Variants in ELAVL2 observed in about 807,000 individuals in gnomAD.
The protein encoded by ELAVL2 is ELAV like RNA binding protein 2.
A neutral mutation model predicts 34.6 loss-of-function variants in ELAVL2; 4 were observed. The ratio of observed to expected loss-of-function variants is 0.12; its 90% CI spans 0.06 to 0.26. The LOEUF is 0.26. Ranked by LOEUF, ELAVL2 falls within the 10% of genes least tolerant of loss-of-function variation. The probability of loss-of-function intolerance (pLI) is 1.00; values close to 1 mark genes in which losing one functional copy is unlikely to be tolerated. For synonymous variants in ELAVL2, 193 were observed against 154.8 expected (o/e 1.25, Z -1.83); for missense variants, 432 against 442.8 (o/e 0.98, Z 0.22).
intron 1 of ELAVL2, among the ~76,000 whole-genome samples, chr9:23,784,642 G>GA (rs1473823541): frequency 1.3e-5 from 2 of 152,182 alleles, no homozygotes; most frequent in African/African-American, 4.8e-5. Flanking sequence ...CAGAGATCTT[G>GA]AAACCCATCT....
chr9:23,699,864 CT>C lies in ELAVL2; in HGVS notation c.713+1514del, dbSNP rs1221244820. On this transcript the variant is annotated intron_variant, in intron 5 of 6. Coordinates refer to ENST00000397312, the MANE Select transcript of ELAVL2 (RefSeq NM_004432.5). Reference sequence around the variant, plus strand: ...TTTTTTTTTTTTTTAATACCAATGCCTTTTCCTCACAGCAGAGCATGAAGTA... The same window carrying C: ...TTTTTTTTTTTTTTAATACCAATGCCTTTCCTCACAGCAGAGCATGAAGTA... Among the ~76,000 whole-genome samples, 104 of 112,770 alleles carry C rather than the reference CT, an allele frequency of 9.2e-4. No individual in the cohort carries two copies. In the Middle Eastern group the frequency reaches 0.022, roughly 24 times the overall value. The allele number at this position is 112,770 out of a possible 152,430, so 74.0% of individuals were successfully genotyped here. A position where few individuals can be genotyped will look rare whatever the true frequency, so the allele number is the denominator to read the frequency against.
At chr9:23,806,751 C>G (rs891139411) in intron 1 of ELAVL2, among the ~76,000 whole-genome samples, 3 of 152,084 alleles carry the variant, frequency 2.0e-5, no homozygotes, top group Non-Finnish European at 2.9e-5. Flanking sequence ...AAAATTTAAA[C>G]CAATATAAAA....
At chr9:23,693,217 C>T (rs572402586) in intron 6 of ELAVL2, among the ~76,000 whole-genome samples, 1 of 152,274 alleles carries the variant, frequency 6.6e-6, no homozygotes, top group Admixed American at 6.5e-5. Context: ...CATGCTGTAA[C>T]GTCGTAACGC....
chr9:23,810,400 TTAAAAAAAATTA>T (rs1421762599), intron 1 of ELAVL2, among the ~76,000 whole-genome samples: 1 of 151,924 alleles, frequency 6.6e-6, no homozygotes, highest in Non-Finnish European at 1.5e-5. Flanking sequence ...CAGTGAAGCT[TTAAAAAAAATTA>T]TAAAAATAAA....
chr9:23,724,825 T>A (rs2044660698), intron 3 of ELAVL2, among the ~76,000 whole-genome samples: 1 of 152,102 alleles, frequency 6.6e-6, no homozygotes, highest in South Asian at 2.1e-4. Context: ...AGAGGAACAA[T>A]TTACTCAACG....
chr9:23,788,230 G>C (rs1176986190), intron 1 of ELAVL2, among the ~76,000 whole-genome samples: 1 of 152,160 alleles, frequency 6.6e-6, no homozygotes, highest in Non-Finnish European at 1.5e-5. Flanking sequence ...AATAAACAGA[G>C]CTTGCTGAGC....
In ELAVL2 at chr9:23,692,463, G is replaced by T; in HGVS notation, c.*94C>A. 2 of 1,319,986 alleles carry T rather than the reference G, an allele frequency of 1.5e-6. No homozygotes were observed. The highest frequency in any genetic ancestry group is 2.5e-5 in the East Asian group (1 of 39,968). The allele number at this position is 1,319,986 out of a possible 1,614,324, so 81.8% of individuals were successfully genotyped here. A position where few individuals can be genotyped will look rare whatever the true frequency, so the allele number is the denominator to read the frequency against. ...GTCATTTTATCCCCATCTCAACACT[G>T]ACTTACAAAGACATTTACTAATGTA... On this transcript the variant is annotated 3_prime_UTR_variant, in exon 7 of 7. Coordinates refer to ENST00000397312, the MANE Select transcript of ELAVL2 (RefSeq NM_004432.5).
At chr9:23,808,141 T>C (rs2062487426) in intron 1 of ELAVL2, among the ~76,000 whole-genome samples, 1 of 152,144 alleles carries the variant, frequency 6.6e-6, no homozygotes, top group Non-Finnish European at 1.5e-5. Flanking sequence ...AATTAAAAAC[T>C]AGTCTGTTTT....
chr9:23,738,300 A>G (rs3829090), intron 2 of ELAVL2, among the ~76,000 whole-genome samples: 29,159 of 152,206 alleles, frequency 0.19, 3,054 homozygotes, highest in Admixed American at 0.27. Flanking sequence ...TTTTCTCCAC[A>G]TTTTAATTCC....
the ELAVL2 span, among the ~76,000 whole-genome samples, chr9:23,832,874 A>G: frequency 2.6e-5 from 4 of 152,182 alleles, no homozygotes; most frequent in African/African-American, 7.2e-5. Flanking sequence ...AAATTTTAAC[A>G]TGCTATCATA....
chr9:23,692,454 C>G lies in ELAVL2; in HGVS notation c.*103G>C. ...TGCTAAGTAGTCATTTTATCCCCAT[C>G]TCAACACTGACTTACAAAGACATTT... is the stretch of plus-strand genomic sequence containing the variant. On this transcript the variant is annotated 3_prime_UTR_variant, in exon 7 of 7. Coordinates refer to ENST00000397312, the MANE Select transcript of ELAVL2 (RefSeq NM_004432.5). 8.0e-7 allele frequency: 1 copy of G among 1,244,070 alleles called. No individual in the cohort carries two copies. The highest frequency in any genetic ancestry group is 1.1e-6 in the Non-Finnish European group (1 of 910,906). 77.1% of individuals were successfully genotyped at this position (1,244,070 alleles called of 1,614,324 possible).
chr9:23,783,917 G>C (rs767566722), intron 1 of ELAVL2, among the ~76,000 whole-genome samples: 1 of 150,810 alleles, frequency 6.6e-6, no homozygotes, highest in African/African-American at 2.4e-5. Flanking sequence ...GGCACAGGCC[G>C]GGCGCGGTGG....
intron 1 of ELAVL2, among the ~76,000 whole-genome samples, chr9:23,800,801 A>T (rs893571931): frequency 3.3e-5 from 5 of 152,310 alleles, no homozygotes; most frequent in African/African-American, 1.2e-4. Context: ...TCAAATACGA[A>T]TTTAGATCTA....
At chr9:23,761,882 CAGAG>C in intron 2 of ELAVL2, 120 bp downstream of exon 2, 1 of 1,284,958 alleles carries the variant, frequency 7.8e-7, no homozygotes, top group Non-Finnish European at 1.0e-6. Context: ...GATGTAATAA[CAGAG>C]AGAAAATCTA....
At chr9:23,807,785 C>T (rs946279530) in intron 1 of ELAVL2, among the ~76,000 whole-genome samples, 1 of 152,154 alleles carries the variant, frequency 6.6e-6, no homozygotes, top group African/African-American at 2.4e-5. Context: ...GTTCTTACTG[C>T]ATCAATTAAT....
At chr9:23,710,669 A>C (rs1417847084) in intron 3 of ELAVL2, among the ~76,000 whole-genome samples, 1 of 152,192 alleles carries the variant, frequency 6.6e-6, no homozygotes, top group Non-Finnish European at 1.5e-5. Flanking sequence ...AGCTCCTTTC[A>C]ATCTCTCCAG....
chr9:23,808,438 C>G (rs1289155582), intron 1 of ELAVL2, among the ~76,000 whole-genome samples: 1 of 152,036 alleles, frequency 6.6e-6, no homozygotes, highest in Non-Finnish European at 1.5e-5. Flanking sequence ...AAAATCTGCA[C>G]AGGAAACCAA....
chr9:23,804,028 T>TAA (rs1003034323), intron 1 of ELAVL2, among the ~76,000 whole-genome samples: 1 of 152,176 alleles, frequency 6.6e-6, no homozygotes, highest in African/African-American at 2.4e-5. Flanking sequence ...GCAAATCTAT[T>TAA]AAAATGCTCT....
At chr9:23,795,243 AT>A (rs563790628) in intron 1 of ELAVL2, among the ~76,000 whole-genome samples, 3 of 152,274 alleles carry the variant, frequency 2.0e-5, no homozygotes, top group African/African-American at 7.2e-5. Flanking sequence ...GCCAGTGTCT[AT>A]TTAAGAAATG....
Sources: allele counts gnomAD v4.1 joint callset (sites outside exome capture counted in the v4.1 genomes callset), GRCh38; gene constraint gnomAD v4.1.1; transcripts MANE v1.5; gene names NCBI Gene and HGNC (gene_info 2026-07-23, HGNC 2026-07-21).